NPAS2: variants seen among roughly 807,000 people sequenced by gnomAD.
NPAS2 encodes neuronal PAS domain-containing protein 2.
NPAS2 carries 23 observed loss-of-function variants against 107.5 expected under a neutral mutation model. That is an observed-to-expected ratio of 0.21 (90% CI 0.15 to 0.30). NPAS2 has a LOEUF of 0.30. Ranked by LOEUF, NPAS2 falls within the 10% of genes least tolerant of loss-of-function variation. NPAS2 has a pLI of 1.00. For missense variants in NPAS2, 756 were observed against 1,043.3 expected (o/e 0.72, Z 3.79); for synonymous variants, 403 against 417.5 (o/e 0.97, Z 0.42).
intron 7 of NPAS2, among the ~76,000 whole-genome samples, chr2:100,950,845 CCTCATCCTA>C (rs1398692213): frequency 6.6e-6 from 1 of 152,134 alleles, no homozygotes; most frequent in Non-Finnish European, 1.5e-5. Context: ...CCTAACCATG[CCTCATCCTA>C]CTCATCTGAA....
At chr2:100,916,703 C>T (rs1261109224) in intron 2 of NPAS2, among the ~76,000 whole-genome samples, 2 of 152,066 alleles carry the variant, frequency 1.3e-5, no homozygotes, top group African/African-American at 4.8e-5. Context: ...CTGAAAAATG[C>T]CATCAACCAA....
chr2:100,889,948 G>A (rs1680943330), intron 1 of NPAS2, among the ~76,000 whole-genome samples: 1 of 151,980 alleles, frequency 6.6e-6, no homozygotes, highest in South Asian at 2.1e-4. Flanking sequence ...GAGAGCGTGG[G>A]GTGGGCATGT....
At chr2:100,904,903 G>A in intron 2 of NPAS2, 117 bp downstream of exon 2, 19 of 731,188 alleles carry the variant, frequency 2.6e-5, no homozygotes, top group Non-Finnish European at 3.9e-5. Context: ...ATAGGCAGCT[G>A]TAGGACACAC....
rs185634760 is a variant in NPAS2 at position 100,888,975 on chromosome 2, C to T, written c.-22-15758C>T. 8.3e-3 allele frequency among the ~76,000 whole-genome samples: 1,263 copies of T among 152,326 alleles called. 7 individuals carry two copies. Among genetic ancestry groups the T allele is most frequent in the Middle Eastern group, 0.014 (4 of 294 alleles). On this transcript the variant is annotated intron_variant, in intron 1 of 20. Transcript: ENST00000335681. The stretch of plus-strand genomic sequence containing the variant: ...TTTAAAAAGAAAAATATGTACTTCT[C>T]TTTTCTCTTGCAGTTTCCCCAGCAT...
intron 5 of NPAS2, among the ~76,000 whole-genome samples, chr2:100,941,231 G>GA (rs1016933432): frequency 6.6e-6 from 1 of 152,208 alleles, no homozygotes; most frequent in East Asian, 1.9e-4. Context: ...AATTGGCAGA[G>GA]AAAAAAGAGA....
chr2:100,983,175 TAG>T (rs1677566828), intron 16 of NPAS2: 1 of 152,230 alleles, frequency 6.6e-6, no homozygotes, highest in African/African-American at 2.4e-5. Context: ...TGGAGACCCT[TAG>T]AAGGGACAGA....
chr2:100,947,972 C>G (rs1675003223), intron 5 of NPAS2, among the ~76,000 whole-genome samples: 1 of 152,200 alleles, frequency 6.6e-6, no homozygotes, highest in Non-Finnish European at 1.5e-5. Flanking sequence ...AGGACTCAGT[C>G]CTTCCTACAT....
intron 1 of NPAS2, among the ~76,000 whole-genome samples, chr2:100,872,141 A>C (rs1285272333): frequency 6.6e-6 from 1 of 152,160 alleles, no homozygotes; most frequent in Non-Finnish European, 1.5e-5. Context: ...CATCACCAGC[A>C]AGTGTGTTTT....
At chr2:100,948,158 A>C in intron 5 of NPAS2, 77 bp from the exon 6 acceptor site, 2 of 1,525,582 alleles carry the variant, frequency 1.3e-6, no homozygotes, top group Non-Finnish European at 9.0e-7. Flanking sequence ...CGTTGTTGTG[A>C]ATGTTCAATT....
At chr2:100,830,121 C>G (rs1170900067) in intron 1 of NPAS2, among the ~76,000 whole-genome samples, 1 of 152,194 alleles carries the variant, frequency 6.6e-6, no homozygotes, top group African/African-American at 2.4e-5. Flanking sequence ...TGCATTGAGG[C>G]ATCCCAAATA....
At chr2:100,982,095 C>A (rs1573791637) in intron 15 of NPAS2, 136 bp from the exon 16 acceptor site, 1 of 1,062,148 alleles carries the variant, frequency 9.4e-7, no homozygotes, top group Non-Finnish European at 1.4e-6. Context: ...AGGACCCAGC[C>A]GTGGGCTCCT....
In NPAS2 at chr2:100,869,071, G is replaced by A. The variant is rs150381423; in HGVS notation, c.-22-35662G>A. The stretch of plus-strand genomic sequence containing the variant: ...AGCCTCCTGAGTAGCTAGGATTATA[G>A]GCATGCACCATCACACCTGGCTAAT... On this transcript the variant is annotated intron_variant, in intron 1 of 20. Coordinates refer to ENST00000335681, the MANE Select transcript of NPAS2 (RefSeq NM_002518.4). Among the ~76,000 whole-genome samples the A allele has an allele frequency of 4.9e-3, 742 of 151,636 alleles. 9 individuals are homozygous for A. The highest frequency in any genetic ancestry group is 0.017 in the African/African-American group (715 of 41,304).
chr2:100,891,938 C>A (rs1390813246), intron 1 of NPAS2, among the ~76,000 whole-genome samples: 1 of 152,182 alleles, frequency 6.6e-6, no homozygotes, highest in Non-Finnish European at 1.5e-5. Flanking sequence ...TCTGTGGCAG[C>A]CGAACAGCGG....
chr2:100,833,379 C>T (rs556155720), intron 1 of NPAS2, among the ~76,000 whole-genome samples: 1 of 152,298 alleles, frequency 6.6e-6, no homozygotes, highest in Admixed American at 6.5e-5. Context: ...ATTTATTTTG[C>T]GCTGTGACCA....
At chr2:100,869,286 A>G (rs1325515303) in intron 1 of NPAS2, among the ~76,000 whole-genome samples, 2 of 152,204 alleles carry the variant, frequency 1.3e-5, no homozygotes, top group Non-Finnish European at 2.9e-5. Flanking sequence ...ATTTGAGGTC[A>G]TTGTGAATCT....
intron 1 of NPAS2, among the ~76,000 whole-genome samples, chr2:100,877,217 G>T (rs148625554): frequency 0.026 from 3,937 of 152,290 alleles, 67 homozygotes; most frequent in Middle Eastern, 0.058. Context: ...TGTAATCCCA[G>T]CACTTGGGAG....
chr2:100,984,532 T>C (rs1677664055), intron 16 of NPAS2: 2 of 152,174 alleles, frequency 1.3e-5, no homozygotes, highest in Admixed American at 6.5e-5. Context: ...CAGATAACAC[T>C]AATGAAAAAT....
intron 4 of NPAS2, 37 bp from the exon 5 acceptor site, chr2:100,937,716 A>T: frequency 6.8e-7 from 1 of 1,473,502 alleles, no homozygotes; most frequent in East Asian, 2.3e-5. Context: ...CCATAAACGC[A>T]TTGCTAAGGA....
chr2:100,836,746 C>T (rs1302516336), intron 1 of NPAS2, among the ~76,000 whole-genome samples: 1 of 152,092 alleles, frequency 6.6e-6, no homozygotes, highest in African/African-American at 2.4e-5. Context: ...AGCTTTGCCC[C>T]GTCGTGAAGG....
Sources: gnomAD v4.1 joint callset for allele counts (sites outside exome capture counted in the v4.1 genomes callset) on GRCh38, gnomAD v4.1.1 for gene constraint, MANE v1.5 for transcripts, NCBI Gene and HGNC (gene_info 2026-07-23, HGNC 2026-07-21) for gene names.